The following C2CD2 variants were observed in gnomAD, a reference collection of about 807,000 sequenced individuals.
The protein encoded by C2CD2 is C2 calcium dependent domain containing 2.
Under a neutral mutation model 74.3 loss-of-function variants are expected in C2CD2, and 43 were observed. The observed-to-expected ratio is 0.58, with a 90% CI of 0.45 to 0.75. The LOEUF (loss-of-function observed/expected upper bound fraction) is 0.75. Ranked by LOEUF, C2CD2 falls within the 30% of genes least tolerant of loss-of-function variation. The probability of loss-of-function intolerance (pLI) is 0.00; values close to 1 mark genes in which losing one functional copy is unlikely to be tolerated. For synonymous variants in C2CD2, 422 were observed against 390.7 expected (o/e 1.08, Z -0.94); for missense variants, 801 against 916.3 (o/e 0.87, Z 1.63).
chr21:41,905,982 A>G, intron 10 of C2CD2, 145 bp from the exon 11 acceptor site: 1 of 671,294 alleles, frequency 1.5e-6, no homozygotes, highest in South Asian at 1.6e-5. Context: ...TTTTGAGGGG[A>G]GGAGGGGCAA....
Position 41,953,880 on chromosome 21 carries a change from G to T in C2CD2, c.-232C>A. 4.2e-6 allele frequency: 1 copy of T among 237,230 alleles called. No individual in the cohort carries two copies. Among genetic ancestry groups the T allele is most frequent in the Non-Finnish European group, 7.9e-6 (1 of 127,048 alleles). 14.7% of individuals were successfully genotyped at this position (237,230 alleles called of 1,614,324 possible). On this transcript the variant is annotated 5_prime_UTR_variant, in exon 1 of 14. In the 5' UTR this introduces an upstream ATG that the reference lacks. Transcript: ENST00000380486. ...GCAAGCCCCGCACACCTGCGGAACA[G>T]GGGCGCGAGCGGACCCCGCGGCCCG...
intron 2 of C2CD2, among the ~76,000 whole-genome samples, chr21:41,938,012 G>A (rs370449521): frequency 3.4e-4 from 52 of 152,080 alleles, no homozygotes; most frequent in African/African-American, 1.1e-3. Context: ...GAAGGAACAC[G>A]TTCAAGAGAC....
chr21:41,901,307 G>A, intron 12 of C2CD2: 1 of 414,124 alleles, frequency 2.4e-6, no homozygotes, highest in Middle Eastern at 7.5e-4. Context: ...CGAGAGCAGA[G>A]GTTCTGTACC....
At chr21:41,942,900 G>C (rs2065367123) in intron 1 of C2CD2, 1 of 941,248 alleles carries the variant, frequency 1.1e-6, no homozygotes, top group African/African-American at 1.8e-5. Flanking sequence ...GCCCTCTGGA[G>C]CCACCTGGCC....
chr21:41,938,167 G>GTATATATATA (rs369249753), intron 2 of C2CD2, among the ~76,000 whole-genome samples: 9 of 147,128 alleles, frequency 6.1e-5, no homozygotes, highest in African/African-American at 2.0e-4. Flanking sequence ...TTCCACACGT[G>GTATATATATA]TATATATATA....
chr21:41,918,722 G>C, intron 4 of C2CD2, 134 bp downstream of exon 4: 1 of 694,560 alleles, frequency 1.4e-6, no homozygotes, highest in South Asian at 1.8e-5. Context: ...GCCCAAGCCA[G>C]CCCCAGGAGG....
rs1388526556 is a variant in C2CD2 at position 41,953,601 on chromosome 21, G to A, written c.48C>T (p.Leu16=). 1.3e-6 allele frequency: 2 copies of A among 1,495,700 alleles called. No homozygotes were observed. The highest frequency in any genetic ancestry group is 1.3e-5 in the South Asian group (1 of 79,748). The allele number at this position is 1,495,700 out of a possible 1,614,324, so 92.7% of individuals were successfully genotyped here. The change falls in exon 1 of 14, where the codon CTC becomes CTT. Residue 16 remains leucine (L), a synonymous_variant. Transcript: ENST00000380486. ...LGSWLGEAQW[L]ALVSLFVAAL... Reference sequence around the variant, plus strand: ...CCGCGACGAAGAGCGACACCAGCGCGAGCCACTGCGCCTCCCCGAGCCACG... The same window carrying A: ...CCGCGACGAAGAGCGACACCAGCGCAAGCCACTGCGCCTCCCCGAGCCACG...
chr21:41,934,321 C>T (rs1365574601), intron 2 of C2CD2, among the ~76,000 whole-genome samples: 4 of 151,978 alleles, frequency 2.6e-5, no homozygotes, highest in East Asian at 3.9e-4. Context: ...TCCCAGCTAC[C>T]GGGGAGGCTG....
rs765892617 is a variant in C2CD2 at position 41,912,319 on chromosome 21, C to T, written c.953+13G>A. The T allele has an allele frequency of 2.2e-5, 35 of 1,564,454 alleles. No individual in the cohort carries two copies. Among genetic ancestry groups the T allele is most frequent in the African/African-American group, 1.2e-4 (9 of 73,886 alleles). On this transcript the variant is annotated intron_variant, in intron 7 of 13. Coordinates refer to ENST00000380486, the MANE Select transcript of C2CD2 (RefSeq NM_015500.2). The stretch of plus-strand genomic sequence containing the variant: ...GCCGTGGACACACAGGCCCATAACC[C>T]GGCCAGACTCACAAGGTGAATTCCT...
In C2CD2 at chr21:41,899,036, G is replaced by A. The variant is rs543026672; in HGVS notation, c.1870+17C>T. The A allele has an allele frequency of 6.2e-7, 1 of 1,604,902 alleles. No individual in the cohort carries two copies. Among genetic ancestry groups the A allele is most frequent in the South Asian group, 1.1e-5 (1 of 90,778 alleles). ...ACCAAGTGGGGGGCCCGGGATGGGG[G>A]GCTCGGGAGCAGGTACCTTTATGCT... On this transcript the variant is annotated intron_variant, in intron 13 of 13. Transcript: ENST00000380486. The surrounding 1 kb of genome is among the most constrained non-coding windows in gnomAD (Gnocchi z 4.4).
chr21:41,886,261 A>G lies in C2CD2; in HGVS notation c.*2863T>C, dbSNP rs2064682808. 6.6e-6 allele frequency: 1 copy of G among 152,260 alleles called. No individual in the cohort carries two copies. Among genetic ancestry groups the G allele is most frequent in the African/African-American group, 2.4e-5 (1 of 41,472 alleles). The allele number at this position is 152,260 out of a possible 1,614,324, so 9.4% of individuals were successfully genotyped here. On this transcript the variant is annotated 3_prime_UTR_variant, in exon 14 of 14. Transcript: ENST00000380486. ...CAAAAACAAAAGCCCTCAAGCCACA[A>G]AAGCTTGTAGAAGAGGTGAGGCGAT...
At position 41,945,890 on chromosome 21, in the gene C2CD2, C is replaced by T. The variant is rs756493687; in HGVS notation, c.280-3645G>A. Among the ~76,000 whole-genome samples, 1 of 152,164 alleles carries T rather than the reference C, an allele frequency of 6.6e-6. No individual in the cohort carries two copies. Among genetic ancestry groups the T allele is most frequent in the Non-Finnish European group, 1.5e-5 (1 of 68,034 alleles). On this transcript the variant is annotated intron_variant, in intron 1 of 13. Coordinates refer to ENST00000380486, the MANE Select transcript of C2CD2 (RefSeq NM_015500.2). This position sits in a 1 kb window ranked among gnomAD's most constrained non-coding sequence, Gnocchi z 4.2. The stretch of plus-strand genomic sequence containing the variant: ...GAGTCATTAAATGTCTTTCCTTTAT[C>T]AATTACCCACTCTCAGGGAAGTCCT...
chr21:41,950,995 G>C (rs974527248), intron 1 of C2CD2, among the ~76,000 whole-genome samples: 1 of 152,164 alleles, frequency 6.6e-6, no homozygotes, highest in Non-Finnish European at 1.5e-5. Flanking sequence ...CTGTCCAGGC[G>C]AGAGCGGGCT....
intron 2 of C2CD2, among the ~76,000 whole-genome samples, chr21:41,932,699 C>A (rs1405534813): frequency 6.6e-6 from 1 of 150,614 alleles, no homozygotes; most frequent in Non-Finnish European, 1.5e-5. Context: ...GCCGCAGCCG[C>A]GGCTGGGCCG....
chr21:41,894,886 G>A (rs1379130967), intron 13 of C2CD2: 9 of 456,752 alleles, frequency 2.0e-5, no homozygotes, highest in South Asian at 1.4e-4. Context: ...GCTGAGACAG[G>A]AGCACACTCT....
At chr21:41,889,393 G>T in intron 13 of C2CD2, 49 bp from the exon 14 acceptor site, 2 of 1,277,272 alleles carry the variant, frequency 1.6e-6, no homozygotes, top group Non-Finnish European at 2.3e-6. Flanking sequence ...GGAATGAGGG[G>T]CTGAATGACT....
At chr21:41,889,716 C>G (rs189783733) in intron 13 of C2CD2, among the ~76,000 whole-genome samples, 1 of 151,990 alleles carries the variant, frequency 6.6e-6, no homozygotes, top group Non-Finnish European at 1.5e-5. Flanking sequence ...TCACTGCAAC[C>G]TCCACCTCCA....
chr21:41,919,043 CAT>C, intron 3 of C2CD2, 83 bp from the exon 4 acceptor site: 1 of 942,402 alleles, frequency 1.1e-6, no homozygotes, highest in Non-Finnish European at 1.7e-6. Flanking sequence ...ACTGTGTGAG[CAT>C]GTGTGTGTGC....
rs2065387757 is a variant in C2CD2, at chr21:41,945,102, A to T, written c.280-2857T>A. Among the ~76,000 whole-genome samples, 2 of 152,238 alleles carry T rather than the reference A, an allele frequency of 1.3e-5. No individual in the cohort carries two copies. The highest frequency in any genetic ancestry group is 2.9e-5 in the Non-Finnish European group (2 of 68,042). ...CTTCATGCATATACTAGAACTGAAC[A>T]CATAAGTAGTAAGTAAATAAGACAG... On this transcript the variant is annotated intron_variant, in intron 1 of 13. Transcript: ENST00000380486. This position sits in a 1 kb window ranked among gnomAD's most constrained non-coding sequence, Gnocchi z 4.2.
Sources: gnomAD v4.1 joint callset for allele counts (sites outside exome capture counted in the v4.1 genomes callset) on GRCh38, gnomAD v4.1.1 for gene constraint, Gnocchi (gnomAD v3.1) non-coding constraint, MANE v1.5 for transcripts, NCBI Gene and HGNC (gene_info 2026-07-23, HGNC 2026-07-21) for gene names.